ARHGAP26: variants seen among roughly 807,000 people sequenced by gnomAD.
ARHGAP26 encodes the protein Rho GTPase activating protein 26, also known as rho GTPase-activating protein 26.
A neutral mutation model predicts 104.8 loss-of-function variants in ARHGAP26; 38 were observed. The observed-to-expected ratio is 0.36, with a 90% confidence interval of 0.28 to 0.48. ARHGAP26 has a LOEUF of 0.48. ARHGAP26 is among the 20% of genes least tolerant of loss of function. The probability of loss-of-function intolerance (pLI) is 0.99; values close to 1 mark genes in which losing one functional copy is unlikely to be tolerated. For missense variants in ARHGAP26, 704 were observed against 947.9 expected (o/e 0.74, Z 3.38); for synonymous variants, 341 against 340.0 (o/e 1.00, Z -0.03).
chr5:143,020,225 G>A (rs1454196333), intron 12 of ARHGAP26, among the ~76,000 whole-genome samples: 2 of 152,174 alleles, frequency 1.3e-5, no homozygotes, highest in African/African-American at 4.8e-5. Context: ...TGGGATTATA[G>A]GCATGAGCCA....
chr5:142,955,016 C>T lies in ARHGAP26; in HGVS notation c.1107+22891C>T, dbSNP rs1048843286. On this transcript the variant is annotated intron_variant, in intron 11 of 22. Coordinates refer to ENST00000645722, the MANE Select transcript of ARHGAP26 (RefSeq NM_001135608.3). ...ATTCTGGGCTGGGTTCAGTGGCTCA[C>T]GCCTGTAATCCCAACAGTTTGGGAG... Among the ~76,000 whole-genome samples, 10 of 152,162 alleles carry T rather than the reference C, an allele frequency of 6.6e-5. 1 individual carries two copies. The South Asian group carries it at 1.0e-3, about 16-fold the overall frequency.
intron 11 of ARHGAP26, among the ~76,000 whole-genome samples, chr5:142,967,397 C>A (rs896026144): frequency 6.6e-6 from 1 of 152,312 alleles, no homozygotes; most frequent in South Asian, 2.1e-4. Flanking sequence ...CTAACCTAAC[C>A]TAGCACCTAG....
At chr5:142,791,110 C>T (rs537103316) in intron 1 of ARHGAP26, among the ~76,000 whole-genome samples, 1 of 147,258 alleles carries the variant, frequency 6.8e-6, no homozygotes, top group South Asian at 2.1e-4. Flanking sequence ...GACAGAGTCT[C>T]GCTCTGTTGC....
intron 11 of ARHGAP26, among the ~76,000 whole-genome samples, chr5:142,941,325 C>G (rs1218289622): frequency 6.6e-6 from 1 of 151,966 alleles, no homozygotes; most frequent in Admixed American, 6.6e-5. Context: ...GAGATGGTAT[C>G]TCATTGTAGT....
intron 20 of ARHGAP26, among the ~76,000 whole-genome samples, chr5:143,194,574 GAA>G (rs879314745): frequency 1.4e-5 from 2 of 143,872 alleles, no homozygotes; most frequent in Non-Finnish European, 3.1e-5. Flanking sequence ...CTCAGATTTG[GAA>G]AAAAAAAAAA....
In ARHGAP26 at chr5:142,986,096, T is replaced by C. The variant is rs185913710; in HGVS notation, c.1108-27984T>C. Among the ~76,000 whole-genome samples the C allele has an allele frequency of 9.4e-4, 143 of 152,320 alleles. 1 individual carries two copies. Among genetic ancestry groups the C allele is most frequent in the African/African-American group, 3.2e-3 (131 of 41,550 alleles). On this transcript the variant is annotated intron_variant, in intron 11 of 22. Coordinates refer to ENST00000645722, the MANE Select transcript of ARHGAP26 (RefSeq NM_001135608.3). ...GGAATTGCCACACTGTCTTCCACAA[T>C]AGTTGAACTAGTTTACAGTCCCACC... is the stretch of plus-strand genomic sequence containing the variant.
intron 12 of ARHGAP26, among the ~76,000 whole-genome samples, chr5:143,019,222 G>A (rs1779980495): frequency 1.3e-5 from 2 of 151,994 alleles, no homozygotes; most frequent in African/African-American, 4.8e-5. Flanking sequence ...GAAAAAGGGA[G>A]TATTGGTAAT....
At chr5:142,975,769 A>G (rs560110465) in intron 11 of ARHGAP26, among the ~76,000 whole-genome samples, 1 of 152,354 alleles carries the variant, frequency 6.6e-6, no homozygotes, top group Non-Finnish European at 1.5e-5. Context: ...ATAGGATAAA[A>G]GTAGCTCCAG....
intron 20 of ARHGAP26, among the ~76,000 whole-genome samples, chr5:143,177,869 A>G (rs1473153756): frequency 6.6e-6 from 1 of 151,630 alleles, no homozygotes; most frequent in African/African-American, 2.4e-5. Context: ...CAGGTGTGTG[A>G]TAAATACGGA....
rs550420774 is a variant in ARHGAP26 at position 142,952,529 on chromosome 5, G to T, written c.1107+20404G>T. On this transcript the variant is annotated intron_variant, in intron 11 of 22. Coordinates refer to ENST00000645722, the MANE Select transcript of ARHGAP26 (RefSeq NM_001135608.3). Reference sequence around the variant, plus strand: ...TTGATACCTTGGTGGAGGTGATAGGGTGGAGTGCTGGGGCACTGGTGATAG... The same window carrying T: ...TTGATACCTTGGTGGAGGTGATAGGTTGGAGTGCTGGGGCACTGGTGATAG... Among the ~76,000 whole-genome samples the T allele has an allele frequency of 5.9e-5, 9 of 152,274 alleles. 1 individual carries two copies. In the South Asian group the frequency reaches 1.9e-3, roughly 32 times the overall value.
chr5:142,990,017 G>A (rs1437635140), intron 11 of ARHGAP26, among the ~76,000 whole-genome samples: 1 of 152,136 alleles, frequency 6.6e-6, no homozygotes, highest in Non-Finnish European at 1.5e-5. Context: ...CTAGGTTGGG[G>A]AAGTTCTCCT....
At position 142,849,823 on chromosome 5, in the gene ARHGAP26, A is replaced by G. The variant is rs147946226; in HGVS notation, c.155-23577A>G. Among the ~76,000 whole-genome samples, 27 of 151,934 alleles carry G rather than the reference A, an allele frequency of 1.8e-4. No homozygotes were observed. The East Asian group carries it at 4.8e-3, about 27-fold the overall frequency. Reference sequence around the variant, plus strand: ...TTTCCTCCAGTCTGCTTCACCTCCCATGCTCCCTGTTTCTGTTAAAAATGC... The same window carrying G: ...TTTCCTCCAGTCTGCTTCACCTCCCGTGCTCCCTGTTTCTGTTAAAAATGC... On this transcript the variant is annotated intron_variant, in intron 1 of 22. Transcript: ENST00000645722.
In ARHGAP26 at chr5:142,963,211, TGTGTGTGTGCGC is replaced by T. The variant is rs1411758151; in HGVS notation, c.1107+31096_1107+31107del. Among the ~76,000 whole-genome samples the T allele has an allele frequency of 3.7e-4, 41 of 111,398 alleles. 1 individual carries two copies. The highest frequency in any genetic ancestry group is 2.4e-3 in the South Asian group (6 of 2,504). The allele number at this position is 111,398 out of a possible 152,430, so 73.1% of individuals were successfully genotyped here. On this transcript the variant is annotated intron_variant, in intron 11 of 22. Coordinates refer to ENST00000645722, the MANE Select transcript of ARHGAP26 (RefSeq NM_001135608.3). Reference sequence around the variant, plus strand: ...ATATATATATATATGTGTGTGTGTGTGTGTGTGTGCGCGTGTGTGTGTGTACCACATTTTCTT... The same window carrying T: ...ATATATATATATATGTGTGTGTGTGTGTGTGTGTGTGTACCACATTTTCTT...
At chr5:142,772,570 A>G (rs1394230069) in intron 1 of ARHGAP26, 1 of 365,430 alleles carries the variant, frequency 2.7e-6, no homozygotes, top group African/African-American at 2.1e-5. Flanking sequence ...ACAGAGGTGT[A>G]CTTCATTCCA....
chr5:142,950,465 A>G lies in ARHGAP26; in HGVS notation c.1107+18340A>G, dbSNP rs528414263. ...CTTGCAAGAAAGAGAAGTAGTATCA[A>G]TGCTGCATGTTCTTTTTCCTAAACA... On this transcript the variant is annotated intron_variant, in intron 11 of 22. Transcript: ENST00000645722. 6.7e-4 allele frequency among the ~76,000 whole-genome samples: 102 copies of G among 152,244 alleles called. 2 individuals carry two copies. In the South Asian group the frequency reaches 0.02, roughly 29 times the overall value.
rs766434176 is a variant in ARHGAP26 at position 143,147,272 on chromosome 5, G to T, written c.1879G>T (p.Val627Phe). ...NSIINSSLES[V>F]SSNPNSILNS... The stretch of plus-strand genomic sequence containing the variant: ...CATCATCAACTCCAGTTTGGAATCT[G>T]TCTCATCAAATCCAAACAGCATCCT... Residue 627 changes from valine (V) to phenylalanine (F), a missense_variant, in exon 20 of 23, where the codon GTC becomes TTC. By Grantham distance (50) the Val-to-Phe change is conservative (BLOSUM62 -1). Around this residue, in one of 6 missense-constraint regions of ARHGAP26, gnomAD observed 217 missense variants for 242.6 expected, o/e 0.89. Coordinates refer to ENST00000645722, the MANE Select transcript of ARHGAP26 (RefSeq NM_001135608.3). 1 of 1,614,062 alleles carries T rather than the reference G, an allele frequency of 6.2e-7. No homozygotes were observed. The highest frequency in any genetic ancestry group is 8.5e-7 in the Non-Finnish European group (1 of 1,179,968).
chr5:143,214,089 G>C lies in ARHGAP26; in HGVS notation c.2191+1G>C. 1 of 1,259,538 alleles carries C rather than the reference G, an allele frequency of 7.9e-7. No homozygotes were observed. Among genetic ancestry groups the C allele is most frequent in the Non-Finnish European group, 1.1e-6 (1 of 922,244 alleles). 78.0% of individuals were successfully genotyped at this position (1,259,538 alleles called of 1,614,324 possible). Reference sequence around the variant, plus strand: ...ACAGCAGGCACGGTCTTCGATAACGGTGAGTTTCTCATCCCCTCACAAAGA... The same window carrying C: ...ACAGCAGGCACGGTCTTCGATAACGCTGAGTTTCTCATCCCCTCACAAAGA... On this transcript the variant is annotated splice_donor_variant, in intron 22 of 22. Transcript: ENST00000645722. LOFTEE classifies it high-confidence loss of function.
At chr5:143,079,685 C>A (rs551972518) in intron 17 of ARHGAP26, among the ~76,000 whole-genome samples, 16 of 152,264 alleles carry the variant, frequency 1.1e-4, no homozygotes, top group African/African-American at 3.4e-4. Context: ...TCAATGACTC[C>A]TTGGGATATT....
At chr5:143,054,416 G>T in intron 14 of ARHGAP26, 23 bp from the exon 15 acceptor site, 1 of 1,564,226 alleles carries the variant, frequency 6.4e-7, no homozygotes, top group Non-Finnish European at 8.8e-7. Flanking sequence ...TGTGCTTTAT[G>T]TATTGTCTTT....
Sources: allele counts gnomAD v4.1 joint callset (sites outside exome capture counted in the v4.1 genomes callset), GRCh38; gene constraint gnomAD v4.1.1; regional missense constraint gnomAD v4.1.1; transcripts MANE v1.5; gene names NCBI Gene and HGNC (gene_info 2026-07-23, HGNC 2026-07-21).